PLA2G6: variants seen among roughly 807,000 people sequenced by gnomAD.
PLA2G6 encodes 85/88 kDa calcium-independent phospholipase A2.
PLA2G6 carries 62 observed loss-of-function variants against 83.8 expected under a neutral mutation model. The ratio of observed to expected loss-of-function variants is 0.74; its 90% confidence interval spans 0.60 to 0.91. The LOEUF (loss-of-function observed/expected upper bound fraction) is 0.91, where lower values mean the gene tolerates loss of function less well. Ranked by LOEUF, PLA2G6 falls within the 40% of genes least tolerant of loss-of-function variation. The probability of loss-of-function intolerance (pLI) is 0.00; values close to 1 mark genes in which losing one functional copy is unlikely to be tolerated. For missense variants in PLA2G6, 944 were observed against 1,102.0 expected (o/e 0.86, Z 2.03); for synonymous variants, 417 against 449.8 (o/e 0.93, Z 0.92).
Position 38,111,926 on chromosome 22 carries a change from A to T in PLA2G6, c.*235T>A, listed in dbSNP as rs1219036146. On this transcript the variant is annotated 3_prime_UTR_variant, in exon 17 of 17. Coordinates refer to ENST00000332509, the MANE Select transcript of PLA2G6 (RefSeq NM_003560.4). ...CCTTGACAGTCAGGGAAAGGGGCCA[A>T]AGGGGGCTCTAGACTTTCCCAGCCT... 3.4e-6 allele frequency: 2 copies of T among 587,168 alleles called. No individual in the cohort carries two copies. Among genetic ancestry groups the T allele is most frequent in the East Asian group, 5.7e-5 (2 of 34,798 alleles). 36.4% of individuals were successfully genotyped at this position (587,168 alleles called of 1,614,324 possible). A position where few individuals can be genotyped will look rare whatever the true frequency, so the allele number is the denominator to read the frequency against.
At chr22:38,115,970 G>C in intron 13 of PLA2G6, 105 bp downstream of exon 13, 1 of 1,503,216 alleles carries the variant, frequency 6.7e-7, no homozygotes, top group Non-Finnish European at 9.2e-7. Context: ...GGGTGGGCTG[G>C]TGGCACGGTG....
chr22:38,167,092 G>T (rs1329242215), intron 2 of PLA2G6, among the ~76,000 whole-genome samples: 1 of 152,028 alleles, frequency 6.6e-6, no homozygotes, highest in Non-Finnish European at 1.5e-5. Flanking sequence ...GCCAGGCGTG[G>T]TGGCGGGTGC....
intron 2 of PLA2G6, chr22:38,146,860 GC>G (rs796873015): frequency 6.7e-5 from 10 of 149,310 alleles, no homozygotes; most frequent in African/African-American, 2.5e-4. Flanking sequence ...GCTCACTGCA[GC>G]CTCCATCTCC....
In PLA2G6 at chr22:38,128,225, C is replaced by T; in HGVS notation, c.1348+44G>A. ...GTGGGGCCTGCTGTGATCCAGGGGC[C>T]TGGGAACCAGCTGGAGAAGAGGGAG... is the stretch of plus-strand genomic sequence containing the variant. On this transcript the variant is annotated intron_variant, in intron 9 of 16. Coordinates refer to ENST00000332509, the MANE Select transcript of PLA2G6 (RefSeq NM_003560.4). This position sits in a 1 kb window ranked among gnomAD's most constrained non-coding sequence, Gnocchi z 4.4. The T allele has an allele frequency of 1.2e-6, 2 of 1,603,866 alleles. No homozygotes were observed. Among genetic ancestry groups the T allele is most frequent in the Non-Finnish European group, 1.7e-6 (2 of 1,172,590 alleles).
chr22:38,127,467 T>C, intron 9 of PLA2G6: 2 of 1,327,718 alleles, frequency 1.5e-6, no homozygotes, highest in Admixed American at 2.2e-5. Flanking sequence ...GCCTGCAAAA[T>C]TGAGAGATAA....
chr22:38,150,831 A>G (rs555940293), intron 2 of PLA2G6, among the ~76,000 whole-genome samples: 72 of 152,358 alleles, frequency 4.7e-4, no homozygotes, highest in African/African-American at 1.7e-3. Flanking sequence ...TCATGCCTAT[A>G]ATCCCAGCAC....
At position 38,123,288 on chromosome 22, in the gene PLA2G6, A is replaced by T; in HGVS notation, c.1428-30T>A. On this transcript the variant is annotated intron_variant, in intron 10 of 16. Transcript: ENST00000332509. The surrounding 1 kb of genome is among the most constrained non-coding windows in gnomAD (Gnocchi z 4.1). Reference sequence around the variant, plus strand: ...AGTGGGAACAGCAGTGGGAGAGAGGAGGGTCCTGCCACAGCCCAGTACTTT... The same window carrying T: ...AGTGGGAACAGCAGTGGGAGAGAGGTGGGTCCTGCCACAGCCCAGTACTTT... 6.4e-7 allele frequency: 1 copy of T among 1,552,268 alleles called. No homozygotes were observed. The highest frequency in any genetic ancestry group is 8.7e-7 in the Non-Finnish European group (1 of 1,147,498).
At chr22:38,121,328 G>A (rs2087519734) in intron 11 of PLA2G6, among the ~76,000 whole-genome samples, 1 of 152,188 alleles carries the variant, frequency 6.6e-6, no homozygotes, top group Non-Finnish European at 1.5e-5. Flanking sequence ...AGTGAGCCAA[G>A]ATGCACCACT....
intron 1 of PLA2G6, among the ~76,000 whole-genome samples, chr22:38,174,753 T>C (rs1206626049): frequency 1.3e-5 from 2 of 152,098 alleles, no homozygotes; most frequent in African/African-American, 2.4e-5. Flanking sequence ...GCATTTTCAC[T>C]GGGACTGGAC....
intron 2 of PLA2G6, among the ~76,000 whole-genome samples, chr22:38,159,354 G>C (rs1352419385): frequency 6.6e-6 from 1 of 152,066 alleles, no homozygotes; most frequent in African/African-American, 2.4e-5. Context: ...TAAAGAAATC[G>C]AATCCATGTT....
At chr22:38,114,125 G>A (rs1238906831) in intron 14 of PLA2G6, among the ~76,000 whole-genome samples, 2 of 152,168 alleles carry the variant, frequency 1.3e-5, no homozygotes, top group Non-Finnish European at 2.9e-5. Flanking sequence ...GCAGCTGCAG[G>A]GGCCACGTGG....
At chr22:38,152,223 T>G (rs1459303107) in intron 2 of PLA2G6, among the ~76,000 whole-genome samples, 1 of 152,096 alleles carries the variant, frequency 6.6e-6, no homozygotes, top group East Asian at 1.9e-4. Context: ...CCTGGCACTT[T>G]TTTTTTCTTT....
rs982301921 is a variant in PLA2G6, at chr22:38,132,213, G to A, written c.1077+618C>T. On this transcript the variant is annotated intron_variant, in intron 7 of 16. Coordinates refer to ENST00000332509, the MANE Select transcript of PLA2G6 (RefSeq NM_003560.4). The surrounding 1 kb of genome is among the most constrained non-coding windows in gnomAD (Gnocchi z 5.0). ...CATACTCTAGATGTGTAACCAGACA[G>A]TAAGGGCTTTGAGGGCAGGAACTGT... 2 of 412,900 alleles carry A rather than the reference G, an allele frequency of 4.8e-6. No individual in the cohort carries two copies. Among genetic ancestry groups the A allele is most frequent in the African/African-American group, 2.1e-5 (1 of 48,330 alleles). The allele number at this position is 412,900 out of a possible 1,614,324, so 25.6% of individuals were successfully genotyped here. A position where few individuals can be genotyped will look rare whatever the true frequency, so the allele number is the denominator to read the frequency against.
At chr22:38,164,429 T>A (rs1380025200) in intron 2 of PLA2G6, among the ~76,000 whole-genome samples, 1 of 152,214 alleles carries the variant, frequency 6.6e-6, no homozygotes, top group African/African-American at 2.4e-5. Context: ...TGACCCCACC[T>A]CGTGGGACTG....
At chr22:38,166,085 G>A (rs548355939) in intron 2 of PLA2G6, among the ~76,000 whole-genome samples, 18 of 152,288 alleles carry the variant, frequency 1.2e-4, no homozygotes, top group East Asian at 3.9e-4. Context: ...GCAGCAAGAC[G>A]GAGGGAGAAA....
chr22:38,135,891 A>G (rs1291202453), intron 5 of PLA2G6: 1 of 152,234 alleles, frequency 6.6e-6, no homozygotes, highest in Non-Finnish European at 1.5e-5. Flanking sequence ...TTGCAGACCC[A>G]TGTACACAGC....
At chr22:38,158,170 C>CTTTTTTTTTTT (rs558539609) in intron 2 of PLA2G6, among the ~76,000 whole-genome samples, 1 of 136,500 alleles carries the variant, frequency 7.3e-6, no homozygotes, top group East Asian at 2.1e-4. Context: ...TTTTTCTTTT[C>CTTTTTTTTTTT]TTTTTTTTTT....
At position 38,132,979 on chromosome 22, in the gene PLA2G6, A is replaced by T. The variant is rs121908682; in HGVS notation, c.929T>A (p.Val310Glu). 11 of 1,567,540 alleles carry T rather than the reference A, an allele frequency of 7.0e-6. No homozygotes were observed. The South Asian group carries it at 1.3e-4, about 18-fold the overall frequency. The stretch of plus-strand genomic sequence containing the variant: ...GTTCCCCGCGGAGCTGGTGCTGTTC[A>T]CGTTGCAGCCCCGTTTCAGCAGCAT... ...ARMLLKRGCN[V>E]NSTSSAGNTA... is the part of the protein sequence containing the mutation. Residue 310 changes from valine to glutamate, a missense_variant, in exon 7 of 17, where the codon GTG becomes GAG. Physicochemically the swap from Val to Glu is moderately radical, Grantham distance 121. Coordinates refer to ENST00000332509, the MANE Select transcript of PLA2G6 (RefSeq NM_003560.4). This position sits in a 1 kb window ranked among gnomAD's most constrained non-coding sequence, Gnocchi z 5.0.
intron 2 of PLA2G6, among the ~76,000 whole-genome samples, chr22:38,153,270 A>T (rs1397228990): frequency 6.6e-6 from 1 of 152,176 alleles, no homozygotes; most frequent in Admixed American, 6.5e-5. Flanking sequence ...CGTCCCTACT[A>T]AAAATACAAA....
Sources: allele counts gnomAD v4.1 joint callset (sites outside exome capture counted in the v4.1 genomes callset), GRCh38; gene constraint gnomAD v4.1.1; non-coding constraint Gnocchi (gnomAD v3.1); transcripts MANE v1.5; gene names NCBI Gene and HGNC (gene_info 2026-07-23, HGNC 2026-07-21).